The following MICU3 variants were observed in gnomAD, a reference collection of about 807,000 sequenced individuals.
The protein encoded by MICU3 is calcium uptake protein 3, mitochondrial.
A neutral mutation model predicts 66.5 loss-of-function variants in MICU3; 62 were observed. The ratio of observed to expected loss-of-function variants is 0.93; its 90% confidence interval spans 0.76 to 1.15. The LOEUF is 1.15. Ranked by LOEUF, MICU3 falls within the 50% of genes most tolerant of loss-of-function variation. The pLI is 0.00. For missense variants in MICU3, 779 were observed against 664.4 expected, an observed-to-expected ratio of 1.17 and a Z score of -1.90; for synonymous variants, 308 against 240.7, an observed-to-expected ratio of 1.28 and a Z score of -2.59.
chr8:17,068,971 G>A (rs566965256), intron 2 of MICU3, among the ~76,000 whole-genome samples: 35 of 152,156 alleles, frequency 2.3e-4, no homozygotes, highest in Non-Finnish European at 4.0e-4. Context: ...TCAAATGTGA[G>A]CAAAGGAAAT....
downstream of MICU3, among the ~76,000 whole-genome samples, chr8:17,124,816 C>T (rs977123139): frequency 2.6e-5 from 4 of 152,124 alleles, no homozygotes; most frequent in African/African-American, 7.2e-5. Context: ...GCCCCACTGT[C>T]TTCCAGCTTC....
chr8:17,109,562 G>A (rs1252987357), intron 11 of MICU3, among the ~76,000 whole-genome samples: 3 of 152,064 alleles, frequency 2.0e-5, no homozygotes, highest in African/African-American at 7.2e-5. Flanking sequence ...TGTGAAAAGG[G>A]CATGATTTAG....
At chr8:17,105,628 A>G in intron 11 of MICU3, 44 bp downstream of exon 11, 1 of 1,209,968 alleles carries the variant, frequency 8.3e-7, no homozygotes, top group Non-Finnish European at 1.1e-6. Flanking sequence ...CTGTTTTGCA[A>G]TACGTGCCTC....
In MICU3 at chr8:17,098,585, T is replaced by G. The variant is rs576616695; in HGVS notation, c.984+32T>G. 68 of 1,360,496 alleles carry G rather than the reference T, an allele frequency of 5.0e-5. 1 individual carries two copies. The South Asian group carries it at 7.6e-4, about 15-fold the overall frequency. 84.3% of individuals were successfully genotyped at this position (1,360,496 alleles called of 1,614,324 possible). ...TTAAACCTCAACAAGGTCCTTGTAC[T>G]ATTTGCCATCTTGTTAATCTAGTCG... On this transcript the variant is annotated intron_variant, in intron 9 of 14. Coordinates refer to ENST00000318063, the MANE Select transcript of MICU3 (RefSeq NM_181723.3).
intron 1 of MICU3, among the ~76,000 whole-genome samples, chr8:17,048,648 C>G (rs1382792764): frequency 6.6e-6 from 1 of 152,212 alleles, no homozygotes; most frequent in Admixed American, 6.5e-5. Flanking sequence ...CAGGGATTCA[C>G]TCTGTCACCC....
intron 1 of MICU3, among the ~76,000 whole-genome samples, chr8:17,041,350 T>C (rs902489700): frequency 1.3e-5 from 2 of 151,908 alleles, no homozygotes; most frequent in Admixed American, 6.6e-5. Flanking sequence ...CAGTCAGTTA[T>C]ACTGAAAGCT....
chr8:17,119,548 G>GATAGATAGATAGATAGATAGATAGATAA (rs1554541239), intron 14 of MICU3, among the ~76,000 whole-genome samples: 19 of 147,326 alleles, frequency 1.3e-4, no homozygotes, highest in African/African-American at 4.5e-4. Flanking sequence ...TAGATAGATA[G>GATAGATAGATAGATAGATAGATAGATAA]ATAGATAGAT....
At chr8:17,069,564 A>G (rs1251949407) in intron 2 of MICU3, 124 bp from the exon 3 acceptor site, 1 of 461,882 alleles carries the variant, frequency 2.2e-6, no homozygotes, top group East Asian at 4.7e-5. Flanking sequence ...TGAGGTTAAA[A>G]GAAAACTTTG....
downstream of MICU3, among the ~76,000 whole-genome samples, chr8:17,123,859 G>A (rs1216553349): frequency 6.7e-6 from 1 of 149,874 alleles, no homozygotes. Context: ...ACTAGTTTGT[G>A]TTTAGAATAT....
At chr8:17,124,267 A>G (rs552827833), downstream of MICU3, among the ~76,000 whole-genome samples, 4 of 152,164 alleles carry the variant, frequency 2.6e-5, no homozygotes, top group Middle Eastern at 3.4e-3. Flanking sequence ...TTCCTTATAC[A>G]TCTTTCCCTA....
At chr8:17,114,753 C>T (rs552161339) in intron 12 of MICU3, among the ~76,000 whole-genome samples, 1 of 152,070 alleles carries the variant, frequency 6.6e-6, no homozygotes, top group Non-Finnish European at 1.5e-5. Context: ...AACTTCTTGC[C>T]CTATGGGGAC....
intron 1 of MICU3, among the ~76,000 whole-genome samples, chr8:17,042,921 A>T (rs952143853): frequency 1.4e-5 from 2 of 146,470 alleles, no homozygotes; most frequent in Admixed American, 1.4e-4. Context: ...GCTTGTAGCA[A>T]TTCAAAGTGA....
chr8:17,028,416 G>A (rs986081027), intron 1 of MICU3, among the ~76,000 whole-genome samples: 1 of 152,178 alleles, frequency 6.6e-6, no homozygotes, highest in African/African-American at 2.4e-5. Context: ...AGGTAAAGAT[G>A]TGTGAAAGGC....
intron 7 of MICU3, 106 bp downstream of exon 7, chr8:17,087,141 C>A: frequency 1.3e-6 from 1 of 758,772 alleles, no homozygotes; most frequent in Non-Finnish European, 2.1e-6. Context: ...CTGTCCCTTT[C>A]TTGAAAACTT....
At chr8:17,098,415 A>G in intron 8 of MICU3, 43 bp from the exon 9 acceptor site, 1 of 1,173,096 alleles carries the variant, frequency 8.5e-7, no homozygotes, top group Non-Finnish European at 1.3e-6. Context: ...ATTCTTTGTA[A>G]CTATTCTTTA....
chr8:17,050,886 G>A (rs1466198348), intron 1 of MICU3, among the ~76,000 whole-genome samples: 2 of 152,038 alleles, frequency 1.3e-5, no homozygotes, highest in Non-Finnish European at 2.9e-5. Flanking sequence ...TATTTATTGT[G>A]ATTGAGAACA....
At chr8:17,075,395 T>C (rs867887909) in intron 3 of MICU3, among the ~76,000 whole-genome samples, 11 of 152,172 alleles carry the variant, frequency 7.2e-5, no homozygotes, top group Non-Finnish European at 4.4e-5. Context: ...TTATTCTTTC[T>C]GGTAAGCAGT....
intron 1 of MICU3, among the ~76,000 whole-genome samples, chr8:17,059,524 G>A (rs1563309471): frequency 6.6e-6 from 1 of 152,048 alleles, no homozygotes; most frequent in African/African-American, 2.4e-5. Context: ...ATAAGGCAAC[G>A]AAAATGAGAT....
intron 1 of MICU3, among the ~76,000 whole-genome samples, chr8:17,062,462 G>A (rs550290889): frequency 6.6e-6 from 1 of 152,174 alleles, no homozygotes; most frequent in South Asian, 2.1e-4. Flanking sequence ...GACTACTCCT[G>A]TAATGTTTTG....
Sources: gnomAD v4.1 joint callset for allele counts (sites outside exome capture counted in the v4.1 genomes callset) on GRCh38, gnomAD v4.1.1 for gene constraint, MANE v1.5 for transcripts, NCBI Gene and HGNC (gene_info 2026-07-23, HGNC 2026-07-21) for gene names.